MFN1: variants seen among roughly 807,000 people sequenced by gnomAD.
The protein encoded by MFN1 is mitofusin 1, also known as mitofusin-1.
In MFN1, 65 loss-of-function variants were observed where a neutral mutation model predicts 92.4. The ratio of observed to expected loss-of-function variants is 0.70; its 90% CI spans 0.58 to 0.86. The LOEUF is 0.86. Among genes scored for constraint, MFN1 ranks in the 40% least tolerant of loss-of-function variants. MFN1 has a pLI of 0.00. For synonymous variants in MFN1, 297 were observed against 300.9 expected, an observed-to-expected ratio of 0.99 and a Z score of 0.13; for missense variants, 781 against 868.0, an observed-to-expected ratio of 0.90 and a Z score of 1.26.
At position 179,370,373 on chromosome 3, in the gene MFN1, G is replaced by GGGTTTCA. The variant is rs1324411140; in HGVS notation, c.975+2271_975+2277dup. Reference sequence around the variant, plus strand: ...TATCACTTAATAAATATCATTTTTGGGGTTTCATTCACTAAGTTCTTTTTT... The same window carrying GGGTTTCA: ...TATCACTTAATAAATATCATTTTTGGGGTTTCAGGTTTCATTCACTAAGTTCTTTTTT... On this transcript the variant is annotated intron_variant, in intron 9 of 17. Transcript: ENST00000471841. Among the ~76,000 whole-genome samples the GGGTTTCA allele has an allele frequency of 4.1e-5, 6 of 146,392 alleles. 2 individuals carry two copies. Among genetic ancestry groups the GGGTTTCA allele is most frequent in the South Asian group, 2.2e-4 (1 of 4,542 alleles).
At chr3:179,389,231 G>A (rs3853153) in intron 16 of MFN1, among the ~76,000 whole-genome samples, 106,937 of 152,032 alleles carry the variant, frequency 0.7, 38,010 homozygotes, top group African/African-American at 0.79. Flanking sequence ...TTTTCATCTA[G>A]TTAAGATACT....
chr3:179,349,657 G>A (rs1389019354), intron 2 of MFN1, among the ~76,000 whole-genome samples: 1 of 151,818 alleles, frequency 6.6e-6, no homozygotes, highest in Non-Finnish European at 1.5e-5. Flanking sequence ...TACAGTGCAC[G>A]TGCCACCATG....
At chr3:179,377,752 A>C (rs538034041) in intron 12 of MFN1, among the ~76,000 whole-genome samples, 23 of 152,158 alleles carry the variant, frequency 1.5e-4, no homozygotes, top group African/African-American at 5.5e-4. Context: ...TGGGCAACAC[A>C]GTGAGAACTC....
At chr3:179,369,711 G>C (rs909833777) in intron 9 of MFN1, among the ~76,000 whole-genome samples, 4 of 152,102 alleles carry the variant, frequency 2.6e-5, no homozygotes, top group Non-Finnish European at 5.9e-5. Flanking sequence ...AGATCCAGGG[G>C]GTTGGGGTTG....
intron 5 of MFN1, 49 bp downstream of exon 5, chr3:179,362,531 A>G (rs1712624575): frequency 4.6e-6 from 7 of 1,530,754 alleles, no homozygotes; most frequent in South Asian, 2.5e-5. Context: ...ATTTAATAGT[A>G]TAATACTGCT....
intron 14 of MFN1, among the ~76,000 whole-genome samples, chr3:179,383,424 CTA>C (rs1484974720): frequency 6.6e-6 from 1 of 152,030 alleles, no homozygotes; most frequent in African/African-American, 2.4e-5. Context: ...TTCCATTGGT[CTA>C]TATCTCTGTT....
At chr3:179,352,157 T>A in intron 3 of MFN1, 122 bp downstream of exon 3, 1 of 982,390 alleles carries the variant, frequency 1.0e-6, no homozygotes, top group Non-Finnish European at 1.5e-6. Context: ...GTGTTGAATG[T>A]TAAAGCTGTT....
intron 14 of MFN1, among the ~76,000 whole-genome samples, chr3:179,381,326 G>A (rs981920063): frequency 6.6e-6 from 1 of 152,202 alleles, no homozygotes; most frequent in Non-Finnish European, 1.5e-5. Context: ...TATGCCGAGA[G>A]GACCCACTTC....
chr3:179,385,868 T>A (rs1713668083), intron 15 of MFN1, 147 bp downstream of exon 15: 1 of 737,162 alleles, frequency 1.4e-6, no homozygotes, highest in Non-Finnish European at 2.1e-6. Context: ...AGTAGTGAAT[T>A]AAATATCACA....
chr3:179,352,122 C>T (rs1399200202), intron 3 of MFN1, 87 bp downstream of exon 3: 5 of 1,356,648 alleles, frequency 3.7e-6, no homozygotes, highest in Middle Eastern at 2.3e-4. Context: ...CTCCCATCCT[C>T]CCCCAGCCCC....
chr3:179,358,862 G>A lies in MFN1; in HGVS notation c.271G>A (p.Val91Ile), dbSNP rs1456711517. The A allele has an allele frequency of 1.2e-6, 2 of 1,613,340 alleles. No individual in the cohort carries two copies. The highest frequency in any genetic ancestry group is 1.7e-6 in the Non-Finnish European group (2 of 1,179,818). ...CAGGACAAGCAGTGGGAAGAGCTCT[G>A]TTATCAATGCAATGTTGTGGGATAA... ...FGRTSSGKSS[V>I]INAMLWDKVL... is the part of the protein sequence containing the mutation. Residue 91 changes from valine to isoleucine, a missense_variant, in exon 4 of 18, where the codon GTT becomes ATT. Val to Ile is a conservative substitution (Grantham distance 29, BLOSUM62 3). Coordinates refer to ENST00000471841, the MANE Select transcript of MFN1 (RefSeq NM_033540.3).
At chr3:179,385,805 ATTTAC>A (rs1293945312) in intron 15 of MFN1, 84 bp downstream of exon 15, 6 of 1,219,842 alleles carry the variant, frequency 4.9e-6, no homozygotes, top group Non-Finnish European at 7.0e-6. Flanking sequence ...GGTATACAGT[ATTTAC>A]TTCTATTTAT....
intron 5 of MFN1, 136 bp downstream of exon 5, chr3:179,362,618 A>G: frequency 1.5e-6 from 1 of 688,914 alleles, no homozygotes; most frequent in Non-Finnish European, 2.2e-6. Flanking sequence ...AGGAAGAGAT[A>G]TGGTATTGGT....
intron 16 of MFN1, among the ~76,000 whole-genome samples, chr3:179,387,584 C>CTT (rs769878779): frequency 2.4e-4 from 20 of 82,260 alleles, no homozygotes; most frequent in South Asian, 4.2e-4. Flanking sequence ...TTTGTGGTTT[C>CTT]TTTTTTTTTT....
At position 179,356,651 on chromosome 3, in the gene MFN1, G is replaced by A. The variant is rs146381914; in HGVS notation, c.249-2189G>A. On this transcript the variant is annotated intron_variant, in intron 3 of 17. Coordinates refer to ENST00000471841, the MANE Select transcript of MFN1 (RefSeq NM_033540.3). ...ATTTCCACAGTTGTTTTTTTTGTTC[G>A]TTTTGGGAAGGCAGGGTGACAGTGT... Among the ~76,000 whole-genome samples the A allele has an allele frequency of 5.3e-5, 8 of 152,070 alleles. No homozygotes were observed. In the East Asian group the frequency reaches 7.7e-4, roughly 15 times the overall value.
chr3:179,389,785 C>G (rs1713831323), intron 16 of MFN1, among the ~76,000 whole-genome samples: 1 of 152,054 alleles, frequency 6.6e-6, no homozygotes, highest in African/African-American at 2.4e-5. Context: ...GTAGCTTATT[C>G]ATGTTCACAG....
intron 9 of MFN1, among the ~76,000 whole-genome samples, chr3:179,371,061 A>G (rs971114456): frequency 6.6e-6 from 1 of 152,208 alleles, no homozygotes; most frequent in African/African-American, 2.4e-5. Flanking sequence ...GTGAAAAGAA[A>G]AACTGTATCA....
At chr3:179,369,371 A>G (rs1302107266) in intron 9 of MFN1, among the ~76,000 whole-genome samples, 2 of 152,132 alleles carry the variant, frequency 1.3e-5, no homozygotes, top group Non-Finnish European at 2.9e-5. Flanking sequence ...ATCCATGGGG[A>G]AAATATGTAG....
chr3:179,364,215 T>G, intron 5 of MFN1, 82 bp from the exon 6 acceptor site: 1 of 862,244 alleles, frequency 1.2e-6, no homozygotes. Context: ...AACTTCAAAT[T>G]ATATATAAAA....
Sources: allele counts gnomAD v4.1 joint callset (sites outside exome capture counted in the v4.1 genomes callset), GRCh38; gene constraint gnomAD v4.1.1; transcripts MANE v1.5; gene names NCBI Gene and HGNC (gene_info 2026-07-23, HGNC 2026-07-21).